BMPR1A: variants seen among roughly 807,000 people sequenced by gnomAD.
The protein encoded by BMPR1A is bone morphogenetic protein receptor type-1A.
In BMPR1A, 7 loss-of-function variants were observed where a neutral mutation model predicts 66.0. The ratio of observed to expected loss-of-function variants is 0.11; its 90% CI spans 0.06 to 0.20. The LOEUF is 0.20. Among genes scored for constraint, BMPR1A ranks in the 10% least tolerant of loss-of-function variants. BMPR1A has a pLI of 1.00. For missense variants in BMPR1A, 408 were observed against 669.1 expected, an observed-to-expected ratio of 0.61 and a Z score of 4.31; for synonymous variants, 200 against 229.7, an observed-to-expected ratio of 0.87 and a Z score of 1.17.
intron 2 of BMPR1A, among the ~76,000 whole-genome samples, chr10:86,864,935 C>G (rs999342227): frequency 6.6e-5 from 10 of 152,134 alleles, no homozygotes; most frequent in Non-Finnish European, 1.3e-4. Flanking sequence ...CCGCTTGAAG[C>G]AGCCCTGAGA....
intron 8 of BMPR1A, among the ~76,000 whole-genome samples, chr10:86,915,592 G>T (rs925634483): frequency 2.0e-4 from 30 of 152,104 alleles, no homozygotes; most frequent in African/African-American, 7.2e-4. Flanking sequence ...AGCTGGACGT[G>T]GTGGCAGATG....
intron 3 of BMPR1A, among the ~76,000 whole-genome samples, chr10:86,884,432 G>C (rs1843041177): frequency 5.2e-5 from 1 of 19,120 alleles, no homozygotes; most frequent in Non-Finnish European, 1.9e-4. Flanking sequence ...TTTTTTTTTT[G>C]AGATGGAGTC....
Position 86,896,143 on chromosome 10 carries a change from G to A in BMPR1A, c.334-3651G>A, listed in dbSNP as rs899852428. ...CACTCTAGCCTGGGTAACAGAGCGA[G>A]ACTCCGTCTCAAAAAAGAAAAGAAA... On this transcript the variant is annotated intron_variant, in intron 5 of 12. Transcript: ENST00000372037. 2.7e-5 allele frequency among the ~76,000 whole-genome samples: 4 copies of A among 147,868 alleles called. No homozygotes were observed. The South Asian group carries it at 8.6e-4, about 32-fold the overall frequency.
chr10:86,861,062 C>T (rs573168084), intron 2 of BMPR1A, among the ~76,000 whole-genome samples: 317 of 152,112 alleles, frequency 2.1e-3, no homozygotes, highest in Non-Finnish European at 3.5e-3. Flanking sequence ...AGGATGGTCT[C>T]AATCTCCTGA....
chr10:86,885,572 A>T (rs1271391499), intron 3 of BMPR1A, among the ~76,000 whole-genome samples: 1 of 152,228 alleles, frequency 6.6e-6, no homozygotes. Flanking sequence ...AGTGGCTACC[A>T]TATGGGACAG....
At chr10:86,778,250 TCATCAG>T (rs1049874974) in intron 1 of BMPR1A, among the ~76,000 whole-genome samples, 1 of 151,954 alleles carries the variant, frequency 6.6e-6, no homozygotes, top group Non-Finnish European at 1.5e-5. Context: ...TTTTGGTAGC[TCATCAG>T]CTATCATTAG....
rs17335915 is a variant in BMPR1A, at chr10:86,925,216, T to C, written c.*1497T>C. On this transcript the variant is annotated 3_prime_UTR_variant, in exon 13 of 13. Transcript: ENST00000372037. ...CCTTGTTATCTCAAGAAATCTGATT[T>C]ACATAAACTTATACTTCTTTAATGC... 54,302 of 229,068 alleles carry C rather than the reference T, an allele frequency of 0.24. 7,168 individuals carry two copies. Among genetic ancestry groups the C allele is most frequent in the Admixed American group, 0.34 (6,082 of 17,686 alleles). 14.2% of individuals were successfully genotyped at this position (229,068 alleles called of 1,614,324 possible). A position where few individuals can be genotyped will look rare whatever the true frequency, so the allele number is the denominator to read the frequency against.
At chr10:86,891,093 T>A (rs753835309) in intron 4 of BMPR1A, among the ~76,000 whole-genome samples, 4 of 152,198 alleles carry the variant, frequency 2.6e-5, no homozygotes, top group Non-Finnish European at 5.9e-5. Context: ...ATAGAAAGCA[T>A]GAAACTTTAC....
chr10:86,775,834 T>C (rs1471938393), intron 1 of BMPR1A, among the ~76,000 whole-genome samples: 1 of 152,226 alleles, frequency 6.6e-6, no homozygotes, highest in Non-Finnish European at 1.5e-5. Context: ...CAAAAATGCA[T>C]ATCCATTTTT....
chr10:86,802,337 G>A (rs1234004380), intron 1 of BMPR1A, among the ~76,000 whole-genome samples: 1 of 152,084 alleles, frequency 6.6e-6, no homozygotes, highest in Admixed American at 6.6e-5. Flanking sequence ...CTTATATACT[G>A]TACCCTACAT....
chr10:86,764,831 T>C (rs1841137519), intron 1 of BMPR1A, among the ~76,000 whole-genome samples: 2 of 152,248 alleles, frequency 1.3e-5, no homozygotes, highest in South Asian at 4.1e-4. Flanking sequence ...ATTTTGAAGA[T>C]AGTACCAAAA....
intron 5 of BMPR1A, among the ~76,000 whole-genome samples, chr10:86,894,622 T>C (rs1843199394): frequency 6.6e-6 from 1 of 152,222 alleles, no homozygotes; most frequent in Non-Finnish European, 1.5e-5. Context: ...GTTGTTAAAC[T>C]TGACAAGCTG....
At chr10:86,768,017 C>T (rs1287434384) in intron 1 of BMPR1A, among the ~76,000 whole-genome samples, 1 of 152,214 alleles carries the variant, frequency 6.6e-6, no homozygotes, top group Non-Finnish European at 1.5e-5. Context: ...AGATGGTACA[C>T]ATGCCCCAAA....
chr10:86,838,742 T>G (rs1842387089), intron 1 of BMPR1A, 123 bp from the exon 2 acceptor site: 1 of 152,188 alleles, frequency 6.6e-6, no homozygotes, highest in Admixed American at 6.5e-5. Flanking sequence ...TGTAGAAATT[T>G]TCATTGACTT....
intron 1 of BMPR1A, among the ~76,000 whole-genome samples, chr10:86,810,587 T>A (rs1455075740): frequency 6.6e-6 from 1 of 152,236 alleles, no homozygotes; most frequent in Non-Finnish European, 1.5e-5. Flanking sequence ...TGTTATTATT[T>A]TTTTATTATA....
At chr10:86,861,118 G>C (rs891676911) in intron 2 of BMPR1A, among the ~76,000 whole-genome samples, 1 of 152,278 alleles carries the variant, frequency 6.6e-6, no homozygotes, top group African/African-American at 2.4e-5. Flanking sequence ...TGGGATTACA[G>C]GCGTGAGCCA....
intron 1 of BMPR1A, among the ~76,000 whole-genome samples, chr10:86,764,464 T>TG: frequency 6.7e-6 from 1 of 149,490 alleles, no homozygotes; most frequent in Admixed American, 6.6e-5. Context: ...AATAAAAATG[T>TG]GGGGGAAAAA....
intron 2 of BMPR1A, among the ~76,000 whole-genome samples, chr10:86,866,399 C>CTTTTTTTTTTTCTTTTTTTTTTTTTT (rs1589752897): frequency 1.0e-4 from 7 of 69,472 alleles, no homozygotes; most frequent in South Asian, 5.5e-4. Flanking sequence ...AAGTTTCTTT[C>CTTTTTTTTTTTCTTTTTTTTTTTTTT]TTTTTTTTTT....
At chr10:86,845,536 G>A (rs559659144) in intron 2 of BMPR1A, among the ~76,000 whole-genome samples, 11 of 152,296 alleles carry the variant, frequency 7.2e-5, no homozygotes, top group African/African-American at 2.6e-4. Context: ...CAGGTGCTGT[G>A]CATGCCACAT....
Sources: gnomAD v4.1 joint callset for allele counts (sites outside exome capture counted in the v4.1 genomes callset) on GRCh38, gnomAD v4.1.1 for gene constraint, MANE v1.5 for transcripts, NCBI Gene and HGNC (gene_info 2026-07-23, HGNC 2026-07-21) for gene names.